ZFP91: variants seen among roughly 807,000 people sequenced by gnomAD.
ZFP91 encodes ZFP91 zinc finger protein, atypical E3 ubiquitin ligase.
Under a neutral mutation model 63.5 loss-of-function variants are expected in ZFP91, and 7 were observed. That is an observed-to-expected ratio of 0.11 (90% confidence interval 0.06 to 0.21). The LOEUF is 0.21. ZFP91 is among the 10% of genes least tolerant of loss of function. ZFP91 has a pLI of 1.00. For missense variants in ZFP91, 628 were observed against 736.6 expected (o/e 0.85, Z 1.71); for synonymous variants, 330 against 272.1 (o/e 1.21, Z -2.10).
intron 1 of ZFP91, among the ~76,000 whole-genome samples, chr11:58,582,351 G>A (rs1855132260): frequency 6.6e-6 from 1 of 152,146 alleles, no homozygotes; most frequent in Non-Finnish European, 1.5e-5. Context: ...CTTTGACTTT[G>A]AGTCATTTCT....
intron 2 of ZFP91, among the ~76,000 whole-genome samples, chr11:58,603,672 G>A (rs892073195): frequency 1.2e-4 from 18 of 152,188 alleles, no homozygotes; most frequent in African/African-American, 4.1e-4. Flanking sequence ...ACTTCCTGGG[G>A]CCACGATGGC....
intron 1 of ZFP91, among the ~76,000 whole-genome samples, chr11:58,580,259 G>A (rs1044622040): frequency 6.6e-6 from 1 of 152,050 alleles, no homozygotes; most frequent in African/African-American, 2.4e-5. Context: ...TTACTAAGTA[G>A]CATATGTTTT....
At chr11:58,584,917 A>T in intron 2 of ZFP91, 33 bp downstream of exon 2, 1 of 1,432,392 alleles carries the variant, frequency 7.0e-7, no homozygotes, top group Non-Finnish European at 9.2e-7. Context: ...TCTAGCGTAC[A>T]TTACACTGAT....
chr11:58,613,301 G>A (rs190427326), intron 8 of ZFP91, among the ~76,000 whole-genome samples: 140 of 152,246 alleles, frequency 9.2e-4, no homozygotes, highest in Non-Finnish European at 1.5e-3. Flanking sequence ...GCAAGAATGG[G>A]TTGAACTTGC....
At chr11:58,613,149 A>G (rs1045412121) in intron 8 of ZFP91, among the ~76,000 whole-genome samples, 17 of 152,144 alleles carry the variant, frequency 1.1e-4, no homozygotes, top group South Asian at 4.1e-4. Flanking sequence ...TTGTGCTGCT[A>G]TAATAGAGTA....
chr11:58,619,933 A>T lies in ZFP91; in HGVS notation c.*2227A>T, dbSNP rs1373283477. ...CACACTTAGCTTTTTTGTCACACTT[A>T]TCCTTTGTCTCCGTAAATTTCATTT... On this transcript the variant is annotated 3_prime_UTR_variant, in exon 11 of 11. Transcript: ENST00000316059. The T allele has an allele frequency of 6.6e-6, 1 of 152,192 alleles. No individual in the cohort carries two copies. Among genetic ancestry groups the T allele is most frequent in the Non-Finnish European group, 1.5e-5 (1 of 68,024 alleles). 9.4% of individuals were successfully genotyped at this position (152,192 alleles called of 1,614,324 possible).
rs1855763139 is a variant in ZFP91 at position 58,617,122 on chromosome 11, C to G, written c.1203-74C>G. 4 of 1,416,106 alleles carry G rather than the reference C, an allele frequency of 2.8e-6. No individual in the cohort carries two copies. Among genetic ancestry groups the G allele is most frequent in the Non-Finnish European group, 3.8e-6 (4 of 1,054,558 alleles). 87.7% of individuals were successfully genotyped at this position (1,416,106 alleles called of 1,614,324 possible). On this transcript the variant is annotated intron_variant, in intron 10 of 10. Coordinates refer to ENST00000316059, the MANE Select transcript of ZFP91 (RefSeq NM_053023.5). This position sits in a 1 kb window ranked among gnomAD's most constrained non-coding sequence, Gnocchi z 4.2. ...TGTATGTATATATATGCTCTAAACT[C>G]TAACCCTGATCCTGAATAAGAGCAC...
chr11:58,587,090 G>A (rs1309316827), intron 2 of ZFP91, among the ~76,000 whole-genome samples: 1 of 151,966 alleles, frequency 6.6e-6, no homozygotes, highest in African/African-American at 2.4e-5. Flanking sequence ...AAGTTGCAAA[G>A]TTGCAACTTA....
intron 2 of ZFP91, among the ~76,000 whole-genome samples, chr11:58,602,488 T>C (rs1006637761): frequency 6.6e-6 from 1 of 152,174 alleles, no homozygotes; most frequent in Non-Finnish European, 1.5e-5. Context: ...GTTAGCTATG[T>C]ATAGGTTTAT....
rs1302943497 is a variant in ZFP91 at position 58,580,501 on chromosome 11, C to G, written c.341+879C>G. ...CTATTCAATTCATGACTGAAAACAT[C>G]ATTAGTGACCTTTGATTTTTGAGTG... On this transcript the variant is annotated intron_variant, in intron 1 of 10. Coordinates refer to ENST00000316059, the MANE Select transcript of ZFP91 (RefSeq NM_053023.5). Among the ~76,000 whole-genome samples the G allele has an allele frequency of 2.0e-4, 22 of 110,772 alleles. No individual in the cohort carries two copies. In the Admixed American group the frequency reaches 2.0e-3, roughly 10 times the overall value. 72.7% of individuals were successfully genotyped at this position (110,772 alleles called of 152,430 possible).
At chr11:58,588,458 G>GT in intron 2 of ZFP91, among the ~76,000 whole-genome samples, 1 of 152,136 alleles carries the variant, frequency 6.6e-6, no homozygotes, top group Admixed American at 6.5e-5. Context: ...GACATCCTCA[G>GT]TTTTTTTCTT....
intron 9 of ZFP91, among the ~76,000 whole-genome samples, chr11:58,614,562 G>A (rs181172643): frequency 2.0e-3 from 307 of 152,184 alleles, no homozygotes; most frequent in Admixed American, 3.7e-3. Flanking sequence ...TTCTATGACC[G>A]GGATAATGAT....
In ZFP91 at chr11:58,584,967, G is replaced by A. The variant is rs1429799331; in HGVS notation, c.370+83G>A. 18 of 1,165,126 alleles carry A rather than the reference G, an allele frequency of 1.5e-5. No homozygotes were observed. In the Admixed American group the frequency reaches 2.0e-4, roughly 13 times the overall value. 72.2% of individuals were successfully genotyped at this position (1,165,126 alleles called of 1,614,324 possible). On this transcript the variant is annotated intron_variant, in intron 2 of 10. Transcript: ENST00000316059. ...TTAGAAAGCCTCATCATTCAAATTG[G>A]TTCCCATTTAAAAGGAATTTTTATT... is the stretch of plus-strand genomic sequence containing the variant.
At chr11:58,595,622 G>T (rs942706132) in intron 2 of ZFP91, among the ~76,000 whole-genome samples, 2 of 150,524 alleles carry the variant, frequency 1.3e-5, no homozygotes, top group Middle Eastern at 3.4e-3. Flanking sequence ...TTGTTGCCCA[G>T]GCTGGAATGC....
In ZFP91 at chr11:58,617,771, A is replaced by G. The variant is rs1460229182; in HGVS notation, c.*65A>G. ...GTATTTAAAAGTTAAAAAGGACAAA[A>G]AAAAAATCTAAAGCATTTAAAATCT... On this transcript the variant is annotated 3_prime_UTR_variant, in exon 11 of 11. Transcript: ENST00000316059. The surrounding 1 kb of genome is among the most constrained non-coding windows in gnomAD (Gnocchi z 4.2). The G allele has an allele frequency of 6.9e-7, 1 of 1,440,298 alleles. No homozygotes were observed. The highest frequency in any genetic ancestry group is 2.5e-5 in the East Asian group (1 of 40,328). The allele number at this position is 1,440,298 out of a possible 1,614,324, so 89.2% of individuals were successfully genotyped here. A position where few individuals can be genotyped will look rare whatever the true frequency, so the allele number is the denominator to read the frequency against.
chr11:58,581,952 C>T (rs897411548), intron 1 of ZFP91, among the ~76,000 whole-genome samples: 1 of 152,170 alleles, frequency 6.6e-6, no homozygotes, highest in Non-Finnish European at 1.5e-5. Flanking sequence ...TTCTTTCAGC[C>T]CCAAAATTAT....
Position 58,617,102 on chromosome 11 carries a change from G to A in ZFP91, c.1203-94G>A, listed in dbSNP as rs1020526581. On this transcript the variant is annotated intron_variant, in intron 10 of 10. Coordinates refer to ENST00000316059, the MANE Select transcript of ZFP91 (RefSeq NM_053023.5). The surrounding 1 kb of genome is among the most constrained non-coding windows in gnomAD (Gnocchi z 4.2). ...TGTGTGTGTGTGTGTGTGTGTGTAT[G>A]TATATATATGCTCTAAACTCTAACC... is the stretch of plus-strand genomic sequence containing the variant. 34 of 1,068,256 alleles carry A rather than the reference G, an allele frequency of 3.2e-5. No individual in the cohort carries two copies. Among genetic ancestry groups the A allele is most frequent in the South Asian group, 1.4e-4 (9 of 63,282 alleles). 66.2% of individuals were successfully genotyped at this position (1,068,256 alleles called of 1,614,324 possible). A position where few individuals can be genotyped will look rare whatever the true frequency, so the allele number is the denominator to read the frequency against.
Position 58,619,573 on chromosome 11 carries a change from A to G in ZFP91, c.*1867A>G, listed in dbSNP as rs963597418. 1 of 152,644 alleles carries G rather than the reference A, an allele frequency of 6.6e-6. No homozygotes were observed. Among genetic ancestry groups the G allele is most frequent in the Non-Finnish European group, 1.5e-5 (1 of 68,042 alleles). 9.5% of individuals were successfully genotyped at this position (152,644 alleles called of 1,614,324 possible). On this transcript the variant is annotated 3_prime_UTR_variant, in exon 11 of 11. Transcript: ENST00000316059. ...TTTTCCCAAAAAGAGGAGTAACAAA[A>G]TGTCATTTCTGAAAGAGGCTTACTT...
rs1270183545 is a variant in ZFP91 at position 58,617,864 on chromosome 11, C to T, written c.*158C>T. ...AGCACACACATACATACACCCTCCA[C>T]CTCCCCATCCCCTGTTCTCCCTCTG... On this transcript the variant is annotated 3_prime_UTR_variant, in exon 11 of 11. Coordinates refer to ENST00000316059, the MANE Select transcript of ZFP91 (RefSeq NM_053023.5). This position sits in a 1 kb window ranked among gnomAD's most constrained non-coding sequence, Gnocchi z 4.2. 3 of 914,576 alleles carry T rather than the reference C, an allele frequency of 3.3e-6. No individual in the cohort carries two copies. The highest frequency in any genetic ancestry group is 3.8e-4 in the Middle Eastern group (1 of 2,630). 56.7% of individuals were successfully genotyped at this position (914,576 alleles called of 1,614,324 possible).
Sources: allele counts gnomAD v4.1 joint callset (sites outside exome capture counted in the v4.1 genomes callset), GRCh38; gene constraint gnomAD v4.1.1; non-coding constraint Gnocchi (gnomAD v3.1); transcripts MANE v1.5; gene names NCBI Gene and HGNC (gene_info 2026-07-23, HGNC 2026-07-21).